MCC: variants seen among roughly 807,000 people sequenced by gnomAD.
The protein encoded by MCC is colorectal mutant cancer protein.
In MCC, 90 loss-of-function variants were observed where a neutral mutation model predicts 116.2. The ratio of observed to expected loss-of-function variants is 0.77; its 90% CI spans 0.65 to 0.92. The LOEUF (loss-of-function observed/expected upper bound fraction) is 0.92. Ranked by LOEUF, MCC falls within the 40% of genes least tolerant of loss-of-function variation. MCC has a pLI of 0.00. For missense variants in MCC, 1,516 were observed against 1,312.2 expected, an observed-to-expected ratio of 1.16 and a Z score of -2.40; for synonymous variants, 578 against 510.5, an observed-to-expected ratio of 1.13 and a Z score of -1.78.
chr5:113,115,520 G>C (rs1404504979), intron 6 of MCC, among the ~76,000 whole-genome samples: 2 of 152,088 alleles, frequency 1.3e-5, no homozygotes, highest in South Asian at 2.1e-4. Context: ...AAGGGATAAG[G>C]AAGATAACCT....
At chr5:113,452,124 G>A (rs1771417440) in intron 1 of MCC, among the ~76,000 whole-genome samples, 1 of 152,174 alleles carries the variant, frequency 6.6e-6, no homozygotes, top group South Asian at 2.1e-4. Flanking sequence ...TTCCAAGAGG[G>A]TGCAAATGGA....
chr5:113,074,609 G>A (rs1007277164), intron 11 of MCC, among the ~76,000 whole-genome samples: 2 of 152,168 alleles, frequency 1.3e-5, no homozygotes, highest in Non-Finnish European at 2.9e-5. Context: ...GAGGATGTTC[G>A]AGCCCATTGC....
chr5:113,363,431 T>C (rs902217741), intron 2 of MCC, among the ~76,000 whole-genome samples: 1 of 152,184 alleles, frequency 6.6e-6, no homozygotes. Flanking sequence ...CTTACAATTA[T>C]GGCAGAAGGC....
At chr5:113,365,623 G>A (rs781451162) in intron 2 of MCC, among the ~76,000 whole-genome samples, 1 of 152,132 alleles carries the variant, frequency 6.6e-6, no homozygotes, top group Non-Finnish European at 1.5e-5. Context: ...CCAATTTTCT[G>A]TATTAGTTCA....
At chr5:113,380,743 A>G (rs1485572390) in intron 2 of MCC, among the ~76,000 whole-genome samples, 1 of 152,212 alleles carries the variant, frequency 6.6e-6, no homozygotes, top group East Asian at 1.9e-4. Flanking sequence ...AAAGGAGGAG[A>G]GGCTGCTTGA....
intron 6 of MCC, among the ~76,000 whole-genome samples, chr5:113,110,951 C>G (rs1269697941): frequency 6.6e-6 from 1 of 152,240 alleles, no homozygotes; most frequent in Non-Finnish European, 1.5e-5. Flanking sequence ...CCGCAGACCC[C>G]AGGACTCAGC....
At position 113,122,766 on chromosome 5, in the gene MCC, G is replaced by A. The variant is rs144931534; in HGVS notation, c.945C>T (p.Asn315=). 42 of 1,614,146 alleles carry A rather than the reference G, an allele frequency of 2.6e-5. 1 individual carries two copies. The African/African-American group carries it at 3.2e-4, about 12-fold the overall frequency. ...CTTGGTCCATGCTTCGAGAGTCCTC[G>A]TTGACCTCGTGTTGGCTCTGGCTGA... The part of the protein sequence containing the change: ...SELSQSQHEV[N]EDSRSMDQDQ... The change falls in exon 6 of 19, where the codon AAC becomes AAT. Residue 315 remains asparagine (N), a synonymous_variant. Transcript: ENST00000408903.
intron 11 of MCC, among the ~76,000 whole-genome samples, chr5:113,077,433 G>T (rs566874376): frequency 4.6e-5 from 7 of 152,290 alleles, no homozygotes; most frequent in African/African-American, 1.7e-4. Context: ...AAATGGAAAA[G>T]AATAGAAATT....
At chr5:113,092,193 T>C (rs1279870692) in intron 8 of MCC, among the ~76,000 whole-genome samples, 1 of 150,900 alleles carries the variant, frequency 6.6e-6, no homozygotes, top group Non-Finnish European at 1.5e-5. Context: ...GGAACTGAGA[T>C]GGGTAGAGTA....
chr5:113,158,886 G>T (rs1867322), intron 3 of MCC, among the ~76,000 whole-genome samples: 131,547 of 152,128 alleles, frequency 0.86, 58,392 homozygotes, highest in Non-Finnish European at 0.95. Context: ...ACATACCACG[G>T]CTCTCCCTTG....
chr5:113,122,693 C>T lies in MCC; in HGVS notation c.1018G>A (p.Ala340Thr), dbSNP rs1049463752. The stretch of plus-strand genomic sequence containing the variant: ...GGGCAGGCAGACTCACCCATGTCAG[C>T]AGTAACCATGGTAGACTGGTTTTCG... ...IPENQSTMVT[A>T]DMDNCSDLNS... is the part of the protein sequence containing the mutation. Residue 340 changes from alanine (A) to threonine (T), a missense_variant, in exon 6 of 19, where the codon GCT becomes ACT. Physicochemically the swap from Ala to Thr is moderately conservative, Grantham distance 58. Transcript: ENST00000408903. The T allele has an allele frequency of 1.9e-6, 3 of 1,614,120 alleles. No homozygotes were observed. The highest frequency in any genetic ancestry group is 2.5e-6 in the Non-Finnish European group (3 of 1,179,982).
chr5:113,268,837 A>G (rs776013917), intron 3 of MCC, among the ~76,000 whole-genome samples: 10 of 152,168 alleles, frequency 6.6e-5, no homozygotes, highest in Non-Finnish European at 1.0e-4. Flanking sequence ...GGAAAAACAC[A>G]TTAGCTAAAA....
chr5:113,085,954 T>C (rs990141424), intron 8 of MCC, among the ~76,000 whole-genome samples: 2 of 152,188 alleles, frequency 1.3e-5, no homozygotes, highest in Non-Finnish European at 2.9e-5. Flanking sequence ...CCTCCCAAAG[T>C]GCTGGGATTA....
chr5:113,445,746 C>A (rs1330037347), intron 1 of MCC, among the ~76,000 whole-genome samples: 1 of 152,104 alleles, frequency 6.6e-6, no homozygotes, highest in African/African-American at 2.4e-5. Context: ...TAGAAAAAAA[C>A]TATTCTAATA....
At chr5:113,307,245 G>A (rs571122425) in intron 3 of MCC, among the ~76,000 whole-genome samples, 4 of 152,220 alleles carry the variant, frequency 2.6e-5, no homozygotes, top group Admixed American at 1.3e-4. Flanking sequence ...TGGGAATATC[G>A]ACATTTTAAT....
intron 3 of MCC, among the ~76,000 whole-genome samples, chr5:113,226,023 C>A (rs139675910): frequency 1.2e-4 from 19 of 152,284 alleles, no homozygotes; most frequent in African/African-American, 4.3e-4. Flanking sequence ...AAATACAAAA[C>A]AAATTAGCCA....
intron 8 of MCC, among the ~76,000 whole-genome samples, chr5:113,100,444 C>T (rs1756325980): frequency 6.7e-6 from 1 of 149,990 alleles, no homozygotes; most frequent in Non-Finnish European, 1.5e-5. Context: ...GATGATGAGA[C>T]CCACTAGATG....
At chr5:113,273,871 G>A (rs1765709590) in intron 3 of MCC, among the ~76,000 whole-genome samples, 1 of 152,006 alleles carries the variant, frequency 6.6e-6, no homozygotes, top group Admixed American at 6.6e-5. Context: ...AAAGCATTAT[G>A]CTCTGTTCCT....
chr5:113,066,434 C>T (rs748031277), intron 13 of MCC, among the ~76,000 whole-genome samples: 5 of 152,210 alleles, frequency 3.3e-5, no homozygotes, highest in Admixed American at 6.5e-5. Flanking sequence ...AATGAGGTTT[C>T]TAATGGAAAT....
Sources: gnomAD v4.1 joint callset for allele counts (sites outside exome capture counted in the v4.1 genomes callset) on GRCh38, gnomAD v4.1.1 for gene constraint, MANE v1.5 for transcripts, NCBI Gene and HGNC (gene_info 2026-07-23, HGNC 2026-07-21) for gene names.